CDH11: variants seen among roughly 807,000 people sequenced by gnomAD.
CDH11 encodes cadherin 11, also known as cadherin-11.
A neutral mutation model predicts 67.8 loss-of-function variants in CDH11; 11 were observed. That is an observed-to-expected ratio of 0.16 (90% CI 0.10 to 0.27). CDH11 has a LOEUF of 0.27. Ranked by LOEUF, CDH11 falls within the 10% of genes least tolerant of loss-of-function variation. The pLI, the probability that CDH11 is intolerant of heterozygous loss-of-function variation, is 1.00. For missense variants in CDH11, 847 were observed against 1,031.2 expected (o/e 0.82, Z 2.45); for synonymous variants, 419 against 400.0 (o/e 1.05, Z -0.57).
chr16:65,020,113 A>T (rs2142574446), intron 2 of CDH11, among the ~76,000 whole-genome samples: 1 of 152,314 alleles, frequency 6.6e-6, no homozygotes, highest in African/African-American at 2.4e-5. Context: ...TAGAAGTACA[A>T]ATAAGGTATG....
In CDH11 at chr16:65,096,443, G is replaced by GTGTGTGTGTGTA. The variant is rs71143551; in HGVS notation, c.-298+25436_-298+25437insTACACACACACA. The stretch of plus-strand genomic sequence containing the variant: ...TGTGTGTGTGTGTGTGTGTGTGTGT[G>GTGTGTGTGTGTA]TATATATATGTTTATATATGTGTGT... On this transcript the variant is annotated intron_variant, in intron 1 of 12. Transcript: ENST00000268603. Among the ~76,000 whole-genome samples, 44 of 138,446 alleles carry GTGTGTGTGTGTA rather than the reference G, an allele frequency of 3.2e-4. 1 individual carries two copies. Among genetic ancestry groups the GTGTGTGTGTGTA allele is most frequent in the East Asian group, 2.3e-3 (11 of 4,704 alleles). 90.8% of individuals were successfully genotyped at this position (138,446 alleles called of 152,430 possible). A position where few individuals can be genotyped will look rare whatever the true frequency, so the allele number is the denominator to read the frequency against.
intron 1 of CDH11, among the ~76,000 whole-genome samples, chr16:65,117,641 C>T (rs2075264284): frequency 6.6e-6 from 1 of 152,124 alleles, no homozygotes; most frequent in Admixed American, 6.5e-5. Flanking sequence ...ATTCCATGCC[C>T]CAAAGTGTTT....
At chr16:65,037,283 C>T (rs768694565) in intron 2 of CDH11, among the ~76,000 whole-genome samples, 4 of 152,136 alleles carry the variant, frequency 2.6e-5, no homozygotes, top group Non-Finnish European at 5.9e-5. Context: ...ACAAAATTCC[C>T]CACCACCCCG....
intron 1 of CDH11, among the ~76,000 whole-genome samples, chr16:65,068,912 A>G (rs1031787885): frequency 1.3e-5 from 2 of 152,210 alleles, no homozygotes; most frequent in African/African-American, 2.4e-5. Flanking sequence ...AAAAAGAACA[A>G]AAATAATTCT....
chr16:65,103,557 A>T (rs2075025845), intron 1 of CDH11, among the ~76,000 whole-genome samples: 2 of 152,222 alleles, frequency 1.3e-5, no homozygotes, highest in Admixed American at 1.3e-4. Context: ...TCTGAAAAAT[A>T]GGGATGGTAG....
intron 1 of CDH11, among the ~76,000 whole-genome samples, chr16:65,098,515 AGTGTGT>A (rs35258390): frequency 3.4e-5 from 5 of 148,342 alleles, no homozygotes; most frequent in Non-Finnish European, 4.5e-5. Flanking sequence ...TGTGTCTTCA[AGTGTGT>A]GTGTGTGTGT....
chr16:64,999,981 G>C (rs1016241288), intron 3 of CDH11, among the ~76,000 whole-genome samples: 2 of 152,178 alleles, frequency 1.3e-5, no homozygotes, highest in East Asian at 3.9e-4. Context: ...TGAGGATCTG[G>C]GGATGTGGCC....
At chr16:65,102,820 C>T (rs2075014603) in intron 1 of CDH11, among the ~76,000 whole-genome samples, 1 of 152,120 alleles carries the variant, frequency 6.6e-6, no homozygotes, top group African/African-American at 2.4e-5. Flanking sequence ...CTGTTGAACC[C>T]AACTTTGGGG....
intron 8 of CDH11, among the ~76,000 whole-genome samples, chr16:64,979,133 T>C (rs1178746511): frequency 2.0e-5 from 3 of 152,148 alleles, no homozygotes; most frequent in Admixed American, 2.0e-4. Flanking sequence ...CAAGAAGACA[T>C]ACAAATGGCT....
intron 8 of CDH11, among the ~76,000 whole-genome samples, chr16:64,978,400 T>C (rs1040389361): frequency 6.6e-6 from 1 of 152,224 alleles, no homozygotes; most frequent in Non-Finnish European, 1.5e-5. Flanking sequence ...TACTCAACTC[T>C]GCCCTTGCAG....
Position 64,946,777 on chromosome 16 carries a change from G to C in CDH11, c.*826C>G. ...GTTTCAATGTTAAGAATCAAACCCA[G>C]AATTAAAAAAAAATCTTTTTTTATT... On this transcript the variant is annotated 3_prime_UTR_variant, in exon 13 of 13. Coordinates refer to ENST00000268603, the MANE Select transcript of CDH11 (RefSeq NM_001797.4). 1 of 888,966 alleles carries C rather than the reference G, an allele frequency of 1.1e-6. No homozygotes were observed. The highest frequency in any genetic ancestry group is 5.3e-5 in the South Asian group (1 of 18,714). The allele number at this position is 888,966 out of a possible 1,614,324, so 55.1% of individuals were successfully genotyped here. A position where few individuals can be genotyped will look rare whatever the true frequency, so the allele number is the denominator to read the frequency against.
rs538439244 is a variant in CDH11 at position 65,081,205 on chromosome 16, T to C, written c.-297-27277A>G. ...GTTCTGAATATCAGTATGAAATAGA[T>C]AAACATATTCCACAGATAAGCCATT... On this transcript the variant is annotated intron_variant, in intron 1 of 12. Coordinates refer to ENST00000268603, the MANE Select transcript of CDH11 (RefSeq NM_001797.4). Among the ~76,000 whole-genome samples the C allele has an allele frequency of 3.9e-5, 6 of 152,300 alleles. No homozygotes were observed. The East Asian group carries it at 9.7e-4, about 25-fold the overall frequency.
chr16:65,048,706 A>T (rs1364491714), intron 2 of CDH11, among the ~76,000 whole-genome samples: 1 of 152,068 alleles, frequency 6.6e-6, no homozygotes, highest in Non-Finnish European at 1.5e-5. Context: ...GTAGATATAG[A>T]CATATATATT....
At chr16:65,101,467 T>A (rs2074990685) in intron 1 of CDH11, among the ~76,000 whole-genome samples, 1 of 152,242 alleles carries the variant, frequency 6.6e-6, no homozygotes, top group East Asian at 1.9e-4. Flanking sequence ...ATATGAATTG[T>A]GATACTAATA....
intron 1 of CDH11, among the ~76,000 whole-genome samples, chr16:65,098,390 G>A (rs2074935107): frequency 6.6e-6 from 1 of 152,086 alleles, no homozygotes; most frequent in South Asian, 2.1e-4. Context: ...AGGAAATATG[G>A]GAGCAGCTGG....
At chr16:64,998,487 G>C (rs1434553749) in intron 4 of CDH11, 75 bp downstream of exon 4, 2 of 1,383,936 alleles carry the variant, frequency 1.4e-6, no homozygotes, top group Non-Finnish European at 2.0e-6. Context: ...CCTGATTTGG[G>C]AGAACGGGCT....
chr16:65,122,622 G>T (rs1002192282), upstream of CDH11, among the ~76,000 whole-genome samples: 1 of 152,122 alleles, frequency 6.6e-6, no homozygotes, highest in Non-Finnish European at 1.5e-5. Flanking sequence ...ATCCCTCAAC[G>T]TTGGCGGCTC....
chr16:65,082,262 C>A (rs991550512), intron 1 of CDH11, among the ~76,000 whole-genome samples: 25 of 152,292 alleles, frequency 1.6e-4, no homozygotes, highest in African/African-American at 5.5e-4. Context: ...AAAGCTCACA[C>A]TTTAACAGGT....
chr16:65,029,467 A>C (rs1242073044), intron 2 of CDH11, among the ~76,000 whole-genome samples: 1 of 152,212 alleles, frequency 6.6e-6, no homozygotes, highest in Non-Finnish European at 1.5e-5. Flanking sequence ...AGATAAAATG[A>C]AATTTTTTTC....
Sources: gnomAD v4.1 joint callset for allele counts (sites outside exome capture counted in the v4.1 genomes callset) on GRCh38, gnomAD v4.1.1 for gene constraint, MANE v1.5 for transcripts, NCBI Gene and HGNC (gene_info 2026-07-23, HGNC 2026-07-21) for gene names.